The following UBXN7 variants were observed in gnomAD, a reference collection of about 807,000 sequenced individuals.
UBXN7 encodes UBX domain protein 7, also known as UBX domain-containing protein 7.
Under a neutral mutation model 58.0 loss-of-function variants are expected in UBXN7, and 9 were observed. The ratio of observed to expected loss-of-function variants is 0.16; its 90% CI spans 0.09 to 0.27. The LOEUF is 0.27. Ranked by LOEUF, UBXN7 falls within the 10% of genes least tolerant of loss-of-function variation. The pLI is 1.00. For synonymous variants in UBXN7, 208 were observed against 205.0 expected (o/e 1.01, Z -0.12); for missense variants, 328 against 599.6 (o/e 0.55, Z 4.73).
intron 7 of UBXN7, 116 bp downstream of exon 7, chr3:196,369,305 T>TAAA: frequency 1.2e-6 from 1 of 827,156 alleles, no homozygotes; most frequent in South Asian, 1.6e-5. Context: ...AAACGAAACC[T>TAAA]TCACCTAAAT....
intron 3 of UBXN7, among the ~76,000 whole-genome samples, chr3:196,399,206 A>G (rs7373385): frequency 0.52 from 78,753 of 152,076 alleles, 20,842 homozygotes; most frequent in East Asian, 0.87. Context: ...ATTTCAAACA[A>G]TATTTTAAAA....
chr3:196,370,084 C>T (rs1728776467), intron 6 of UBXN7, among the ~76,000 whole-genome samples: 1 of 144,360 alleles, frequency 6.9e-6, no homozygotes, highest in African/African-American at 2.6e-5. Flanking sequence ...GAGCTGAGAT[C>T]GTGCCACTGC....
intron 3 of UBXN7, among the ~76,000 whole-genome samples, chr3:196,401,274 A>AAAAAAAAAACAT (rs1553852955): frequency 2.7e-5 from 1 of 36,882 alleles, no homozygotes; most frequent in Admixed American, 5.1e-4. Flanking sequence ...AAAAAAAAAA[A>AAAAAAAAAACAT]ATATATATAT....
At chr3:196,415,235 C>T (rs1189529986) in intron 1 of UBXN7, among the ~76,000 whole-genome samples, 1 of 150,194 alleles carries the variant, frequency 6.7e-6, no homozygotes, top group Non-Finnish European at 1.5e-5. Context: ...CTCCCTGCAA[C>T]CTCCACCTCC....
chr3:196,392,284 C>T (rs1183595584), intron 4 of UBXN7, among the ~76,000 whole-genome samples: 2 of 151,896 alleles, frequency 1.3e-5, no homozygotes, highest in Non-Finnish European at 2.9e-5. Context: ...AGCAGATCAC[C>T]TGAGGTCAGG....
At chr3:196,358,431 G>C (rs1294673656) in intron 10 of UBXN7, among the ~76,000 whole-genome samples, 1 of 152,170 alleles carries the variant, frequency 6.6e-6, no homozygotes, top group Admixed American at 6.5e-5. Flanking sequence ...ATCTGGGAAG[G>C]AAATAAACTA....
chr3:196,416,397 C>A (rs970002879), intron 1 of UBXN7, among the ~76,000 whole-genome samples: 19 of 151,996 alleles, frequency 1.3e-4, no homozygotes, highest in African/African-American at 4.1e-4. Context: ...CGCCACTGCA[C>A]TCCTGCCTGG....
At chr3:196,385,771 C>T (rs1038926116) in intron 5 of UBXN7, among the ~76,000 whole-genome samples, 1 of 151,080 alleles carries the variant, frequency 6.6e-6, no homozygotes, top group African/African-American at 2.4e-5. Flanking sequence ...CCCACCCGGC[C>T]AGCCGCCCCG....
At chr3:196,428,049 A>G (rs776793016) in intron 1 of UBXN7, among the ~76,000 whole-genome samples, 1 of 152,198 alleles carries the variant, frequency 6.6e-6, no homozygotes, top group South Asian at 2.1e-4. Context: ...GCTTGAACCC[A>G]GGAGGCGGAG....
At chr3:196,363,624 G>C (rs1368230146) in intron 8 of UBXN7, among the ~76,000 whole-genome samples, 1 of 152,098 alleles carries the variant, frequency 6.6e-6, no homozygotes, top group Non-Finnish European at 1.5e-5. Context: ...TGCTACTCCA[G>C]TGAACACACA....
rs751436141 is a variant in UBXN7 at position 196,401,767 on chromosome 3, TTAAAAAA to T, written c.289+1178_289+1184del. Among the ~76,000 whole-genome samples the T allele has an allele frequency of 1.9e-3, 159 of 82,034 alleles. 2 individuals are homozygous for T. In the East Asian group the frequency reaches 0.041, roughly 21 times the overall value. The allele number at this position is 82,034 out of a possible 152,430, so 53.8% of individuals were successfully genotyped here. On this transcript the variant is annotated intron_variant, in intron 3 of 10. Transcript: ENST00000296328. Reference sequence around the variant, plus strand: ...AACATAGCAAGACTCCATCTCTATTTTAAAAAAAAAAAAAAAAAAAAAGTAAAGAAAG... The same window carrying T: ...AACATAGCAAGACTCCATCTCTATTTAAAAAAAAAAAAAAAGTAAAGAAAG...
chr3:196,379,039 A>T (rs1184871293), intron 5 of UBXN7, among the ~76,000 whole-genome samples: 3 of 95,540 alleles, frequency 3.1e-5, no homozygotes, highest in South Asian at 3.8e-4. Flanking sequence ...GTTTTGGGGG[A>T]TTTTAGCCAG....
In UBXN7 at chr3:196,356,432, T is replaced by G; in HGVS notation, c.*253A>C. 1 of 362,686 alleles carries G rather than the reference T, an allele frequency of 2.8e-6. No homozygotes were observed. The highest frequency in any genetic ancestry group is 4.9e-6 in the Non-Finnish European group (1 of 203,066). 22.5% of individuals were successfully genotyped at this position (362,686 alleles called of 1,614,324 possible). On this transcript the variant is annotated 3_prime_UTR_variant, in exon 11 of 11. Transcript: ENST00000296328. ...ACTTCAGTTTGGTCACCAGATTAGG[T>G]AAGAAAGAAAAGTGTGGGGGGAGGG...
intron 8 of UBXN7, among the ~76,000 whole-genome samples, chr3:196,365,136 G>C (rs573863451): frequency 2.6e-5 from 4 of 151,222 alleles, no homozygotes; most frequent in African/African-American, 9.7e-5. Flanking sequence ...AATTTCTCTT[G>C]TAGCTAGAAA....
intron 8 of UBXN7, among the ~76,000 whole-genome samples, chr3:196,363,790 A>G (rs1728578952): frequency 6.6e-6 from 1 of 152,022 alleles, no homozygotes; most frequent in Non-Finnish European, 1.5e-5. Flanking sequence ...TCAGCTGGGC[A>G]TGGTGGTGCG....
intron 1 of UBXN7, among the ~76,000 whole-genome samples, chr3:196,429,698 G>A (rs1577485382): frequency 6.6e-6 from 1 of 152,218 alleles, no homozygotes; most frequent in East Asian, 1.9e-4. Flanking sequence ...TTTAAGACAT[G>A]TAAAAAAGGC....
intron 5 of UBXN7, among the ~76,000 whole-genome samples, chr3:196,381,481 A>T (rs970379986): frequency 3.3e-5 from 5 of 152,262 alleles, no homozygotes; most frequent in African/African-American, 1.2e-4. Flanking sequence ...TCCCATCTGT[A>T]GGTCACCAAC....
chr3:196,386,155 TG>T (rs1157827559), intron 5 of UBXN7, among the ~76,000 whole-genome samples: 1 of 151,952 alleles, frequency 6.6e-6, no homozygotes, highest in Non-Finnish European at 1.5e-5. Flanking sequence ...AGATGTGCTT[TG>T]TTAAACAGAT....
chr3:196,397,146 A>G (rs1729800273), intron 3 of UBXN7, among the ~76,000 whole-genome samples: 1 of 152,168 alleles, frequency 6.6e-6, no homozygotes, highest in Admixed American at 6.5e-5. Flanking sequence ...GGCTCTTCCA[A>G]GCCGTCTGCC....
Sources: allele counts gnomAD v4.1 joint callset (sites outside exome capture counted in the v4.1 genomes callset), GRCh38; gene constraint gnomAD v4.1.1; transcripts MANE v1.5; gene names NCBI Gene and HGNC (gene_info 2026-07-23, HGNC 2026-07-21).